Variants in PRKCE observed in about 807,000 individuals in gnomAD.
The protein encoded by PRKCE is protein kinase C epsilon.
PRKCE carries 16 observed loss-of-function variants against 85.4 expected under a neutral mutation model. That is an observed-to-expected ratio of 0.19 (90% CI 0.13 to 0.28). PRKCE has a LOEUF of 0.28. Ranked by LOEUF, PRKCE falls within the 10% of genes least tolerant of loss-of-function variation. The probability of loss-of-function intolerance (pLI) is 1.00; values close to 1 mark genes in which losing one functional copy is unlikely to be tolerated. For missense variants in PRKCE, 573 were observed against 975.2 expected (o/e 0.59, Z 5.49); for synonymous variants, 388 against 371.5 (o/e 1.04, Z -0.51).
intron 11 of PRKCE, among the ~76,000 whole-genome samples, chr2:46,120,228 G>T (rs1038893258): frequency 1.3e-5 from 2 of 152,204 alleles, no homozygotes; most frequent in African/African-American, 4.8e-5. Flanking sequence ...GGTTCTTGAT[G>T]TTCCTCTAGC....
At chr2:45,975,282 A>G (rs1702373477) in intron 2 of PRKCE, among the ~76,000 whole-genome samples, 1 of 152,230 alleles carries the variant, frequency 6.6e-6, no homozygotes, top group South Asian at 2.1e-4. Flanking sequence ...CACGATAAAC[A>G]TTTATCATGG....
chr2:46,027,604 C>G (rs751906289), intron 10 of PRKCE, among the ~76,000 whole-genome samples: 3 of 152,144 alleles, frequency 2.0e-5, no homozygotes, highest in South Asian at 2.1e-4. Flanking sequence ...ATGAAAGCAT[C>G]CAAACTGTCA....
chr2:46,108,362 A>G (rs544189753), intron 11 of PRKCE, among the ~76,000 whole-genome samples: 7 of 152,364 alleles, frequency 4.6e-5, no homozygotes, highest in South Asian at 4.1e-4. Flanking sequence ...GCAGTAACAC[A>G]GATAGAATTG....
At chr2:45,766,977 G>T (rs1429752985) in intron 1 of PRKCE, among the ~76,000 whole-genome samples, 2 of 151,908 alleles carry the variant, frequency 1.3e-5, no homozygotes, top group African/African-American at 2.4e-5. Flanking sequence ...GGAGGTGGAG[G>T]TTGCAGTGAG....
chr2:45,816,030 T>C (rs1407259086), intron 1 of PRKCE, among the ~76,000 whole-genome samples: 2 of 152,212 alleles, frequency 1.3e-5, no homozygotes, highest in African/African-American at 4.8e-5. Context: ...CCAAGTACAT[T>C]TGGGGCTCTC....
At chr2:46,036,248 G>A (rs1574297797) in intron 10 of PRKCE, among the ~76,000 whole-genome samples, 1 of 152,210 alleles carries the variant, frequency 6.6e-6, no homozygotes, top group South Asian at 2.1e-4. Flanking sequence ...GGGTCAGAGC[G>A]AGAGCAGGCA....
rs190076740 is a variant in PRKCE, at chr2:46,181,000, C to T, written c.2068-3735C>T. Among the ~76,000 whole-genome samples, 6 of 152,268 alleles carry T rather than the reference C, an allele frequency of 3.9e-5. No individual in the cohort carries two copies. In the East Asian group the frequency reaches 1.2e-3, roughly 29 times the overall value. On this transcript the variant is annotated intron_variant, in intron 14 of 14. Transcript: ENST00000306156. The stretch of plus-strand genomic sequence containing the variant: ...TCCCACTGTCATCTCTCAGGCTCTG[C>T]AGTGGGGGCCAGGAGCCTGACATTT...
chr2:45,836,966 G>C (rs1172078150), intron 1 of PRKCE, among the ~76,000 whole-genome samples: 3 of 152,202 alleles, frequency 2.0e-5, no homozygotes, highest in Non-Finnish European at 4.4e-5. Context: ...TTTGTGGGCT[G>C]TCCCAAGGAA....
At chr2:46,070,647 AAAAAAC>A (rs1553337823) in intron 10 of PRKCE, among the ~76,000 whole-genome samples, 4 of 151,720 alleles carry the variant, frequency 2.6e-5, no homozygotes, top group Admixed American at 6.6e-5. Context: ...CGTCTCAAAA[AAAAAAC>A]AAAAACAAAA....
intron 10 of PRKCE, among the ~76,000 whole-genome samples, chr2:46,077,607 G>T (rs375708391): frequency 6.6e-6 from 1 of 152,178 alleles, no homozygotes; most frequent in East Asian, 1.9e-4. Context: ...GAGTTAGCAG[G>T]GGGTGAAGGC....
At chr2:45,721,575 A>C (rs1335746433) in intron 1 of PRKCE, among the ~76,000 whole-genome samples, 2 of 152,158 alleles carry the variant, frequency 1.3e-5, no homozygotes, top group African/African-American at 4.8e-5. Context: ...TTAGTTTCTC[A>C]AAACACATAG....
chr2:46,033,964 A>G (rs1009238711), intron 10 of PRKCE, among the ~76,000 whole-genome samples: 1 of 152,206 alleles, frequency 6.6e-6, no homozygotes, highest in Non-Finnish European at 1.5e-5. Flanking sequence ...CTGAAAGCCT[A>G]TGTTTCAGTT....
intron 10 of PRKCE, among the ~76,000 whole-genome samples, chr2:46,030,014 A>T (rs1247634748): frequency 1.3e-5 from 2 of 152,176 alleles, no homozygotes; most frequent in Non-Finnish European, 2.9e-5. Context: ...TGGCTAGAAG[A>T]TTCTGTAAAC....
At chr2:45,841,853 G>C (rs989528442) in intron 1 of PRKCE, among the ~76,000 whole-genome samples, 2 of 152,216 alleles carry the variant, frequency 1.3e-5, no homozygotes, top group African/African-American at 4.8e-5. Flanking sequence ...TGACTGTTCT[G>C]AAGTAATTCT....
chr2:46,175,356 C>T (rs943991170), intron 14 of PRKCE, among the ~76,000 whole-genome samples: 3 of 152,182 alleles, frequency 2.0e-5, no homozygotes, highest in Non-Finnish European at 4.4e-5. Flanking sequence ...AGAAAGTTCT[C>T]TCCTGGATCA....
chr2:45,995,694 G>T lies in PRKCE; in HGVS notation c.824-5710G>T, dbSNP rs561915753. Among the ~76,000 whole-genome samples, 7 of 152,238 alleles carry T rather than the reference G, an allele frequency of 4.6e-5. No homozygotes were observed. In the East Asian group the frequency reaches 1.4e-3, roughly 29 times the overall value. On this transcript the variant is annotated intron_variant, in intron 6 of 14. Transcript: ENST00000306156. ...TCTGGGCTGTCTGTTCTGTTCCATT[G>T]ATCTATTTGTCTGTTCCATTGATGT...
At chr2:45,762,836 T>G (rs1206499384) in intron 1 of PRKCE, among the ~76,000 whole-genome samples, 1 of 152,212 alleles carries the variant, frequency 6.6e-6, no homozygotes, top group African/African-American at 2.4e-5. Context: ...AAAGCTTCTG[T>G]GCTGTTGGGG....
At chr2:45,700,172 C>A (rs1412229210) in intron 1 of PRKCE, among the ~76,000 whole-genome samples, 1 of 145,790 alleles carries the variant, frequency 6.9e-6, no homozygotes. Flanking sequence ...TGAGGCCCTG[C>A]CGGGAGCCAG....
intron 2 of PRKCE, among the ~76,000 whole-genome samples, chr2:45,875,219 C>T (rs2345177): frequency 0.63 from 96,184 of 152,022 alleles, 31,135 homozygotes; most frequent in East Asian, 0.97. Context: ...CAAATGAATA[C>T]TTTCTTGTAA....
Sources: gnomAD v4.1 joint callset for allele counts (sites outside exome capture counted in the v4.1 genomes callset) on GRCh38, gnomAD v4.1.1 for gene constraint, MANE v1.5 for transcripts, NCBI Gene and HGNC (gene_info 2026-07-23, HGNC 2026-07-21) for gene names.